Variants in HERC1 observed in about 807,000 individuals in gnomAD.
HERC1 encodes HECT and RLD domain containing E3 ubiquitin protein ligase family member 1, also known as probable E3 ubiquitin-protein ligase HERC1.
Under a neutral mutation model 554.3 loss-of-function variants are expected in HERC1, and 160 were observed. The observed-to-expected ratio is 0.29, with a 90% CI of 0.25 to 0.33. The LOEUF (loss-of-function observed/expected upper bound fraction) is 0.33, where lower values mean the gene tolerates loss of function less well. Among genes scored for constraint, HERC1 ranks in the 10% least tolerant of loss-of-function variants. The pLI, the probability that HERC1 is intolerant of heterozygous loss-of-function variation, is 1.00. For missense variants in HERC1, 4,919 were observed against 5,918.5 expected, an observed-to-expected ratio of 0.83 and a Z score of 5.54; for synonymous variants, 2,175 against 2,131.7, an observed-to-expected ratio of 1.02 and a Z score of -0.56.
intron 2 of HERC1, 52 bp from the exon 3 acceptor site, chr15:63,764,243 A>G: frequency 1.7e-6 from 2 of 1,198,764 alleles, no homozygotes; most frequent in Non-Finnish European, 1.2e-6. Flanking sequence ...AGACATATGC[A>G]TTAAAATTAG....
intron 3 of HERC1, among the ~76,000 whole-genome samples, chr15:63,761,925 T>C (rs2075624414): frequency 6.6e-6 from 1 of 152,238 alleles, no homozygotes; most frequent in Non-Finnish European, 1.5e-5. Flanking sequence ...TCATTAGGTA[T>C]CTTAGCTTTA....
At chr15:63,676,627 G>A (rs2071224357) in intron 37 of HERC1, among the ~76,000 whole-genome samples, 1 of 152,030 alleles carries the variant, frequency 6.6e-6, no homozygotes, top group Non-Finnish European at 1.5e-5. Context: ...ATGATGGTGG[G>A]TGCCTGTAAT....
At chr15:63,737,516 GATATATATATATATATATATAT>G (rs754808106) in intron 12 of HERC1, among the ~76,000 whole-genome samples, 472 of 46,442 alleles carry the variant, frequency 0.01, 67 homozygotes, top group African/African-American at 0.038. Context: ...CTTTTTTCCA[GATATATATATATATATATATAT>G]ATATATATAT....
chr15:63,758,127 A>G lies in HERC1; in HGVS notation c.1221+48T>C. 7.5e-7 allele frequency: 1 copy of G among 1,339,560 alleles called. No individual in the cohort carries two copies. The highest frequency in any genetic ancestry group is 1.1e-6 in the Non-Finnish European group (1 of 947,270). 83.0% of individuals were successfully genotyped at this position (1,339,560 alleles called of 1,614,324 possible). On this transcript the variant is annotated intron_variant, in intron 4 of 77. Transcript: ENST00000443617. This position sits in a 1 kb window ranked among gnomAD's most constrained non-coding sequence, Gnocchi z 4.0. ...TATTATTTAATGCAAATAAGCATGA[A>G]TATACACCAGATTATCTACCAGTTT...
chr15:63,655,750 T>C lies in HERC1; in HGVS notation c.10076A>G (p.Glu3359Gly). The change falls in exon 50 of 78, where the codon GAA (glutamate) becomes GGA (glycine). Residue 3359 changes from glutamate (E) to glycine (G), a missense_variant. Glu to Gly is a moderately conservative substitution (Grantham distance 98). Around this residue, in one of 11 missense-constraint regions of HERC1, gnomAD observed 1,963 missense variants for 2,228.6 expected, o/e 0.88. Coordinates refer to ENST00000443617, the MANE Select transcript of HERC1 (RefSeq NM_003922.4). ...AGTAGTATGAAACTTACCTTTCTTT[T>C]CAACTTCTGACTTATCATAGTTAGG... is the stretch of plus-strand genomic sequence containing the variant. ...LRPNYDKSEV[E>G]KKGPLELANA... 1 of 1,552,568 alleles carries C rather than the reference T, an allele frequency of 6.4e-7. No individual in the cohort carries two copies. The highest frequency in any genetic ancestry group is 8.7e-7 in the Non-Finnish European group (1 of 1,145,572).
At chr15:63,610,487 T>C (rs1034431890) in intron 77 of HERC1, among the ~76,000 whole-genome samples, 1 of 152,180 alleles carries the variant, frequency 6.6e-6, no homozygotes, top group Admixed American at 6.5e-5. Flanking sequence ...AGGACAGATA[T>C]AAGGCAAGGG....
chr15:63,623,663 G>C (rs935183963), intron 73 of HERC1, 62 bp downstream of exon 73: 1 of 1,509,376 alleles, frequency 6.6e-7, no homozygotes, highest in Non-Finnish European at 9.2e-7. Context: ...GTGATCACTG[G>C]AAACAGCAAA....
rs1203632253 is a variant in HERC1 at position 63,672,653 on chromosome 15, C to T, written c.7888G>A (p.Ala2630Thr). ...GGGCTAGTAGTAACTGGTGTCTGTGCCTGCTGGGCAGGGTCACTTTCTTCA... is the reference window on the plus strand; with the variant it reads ...GGGCTAGTAGTAACTGGTGTCTGTGTCTGCTGGGCAGGGTCACTTTCTTCA... ...QAEESDPAQQ[A>T]QTPVTTSPSA... Residue 2630 changes from alanine to threonine, a missense_variant, in exon 39 of 78, where the codon GCA (alanine) becomes ACA (threonine). Coordinates refer to ENST00000443617, the MANE Select transcript of HERC1 (RefSeq NM_003922.4). 1.2e-6 allele frequency: 2 copies of T among 1,612,170 alleles called. No homozygotes were observed. Among genetic ancestry groups the T allele is most frequent in the East Asian group, 2.2e-5 (1 of 44,864 alleles).
At position 63,663,279 on chromosome 15, in the gene HERC1, C is replaced by T. The variant is rs2070447691; in HGVS notation, c.8681-75G>A. 2.4e-6 allele frequency: 3 copies of T among 1,239,650 alleles called. No individual in the cohort carries two copies. In the South Asian group the frequency reaches 3.9e-5, roughly 16 times the overall value. 76.8% of individuals were successfully genotyped at this position (1,239,650 alleles called of 1,614,324 possible). On this transcript the variant is annotated intron_variant, in intron 43 of 77. Transcript: ENST00000443617. ...TGAATATTTCGCCAGTTCTTAACTG[C>T]CATACATGTAGGTGAGAACCTATCT...
intron 66 of HERC1, 87 bp downstream of exon 66, chr15:63,634,646 T>A: frequency 9.2e-7 from 1 of 1,084,562 alleles, no homozygotes; most frequent in Non-Finnish European, 1.3e-6. Flanking sequence ...CAACTGGTGA[T>A]CCTGATCTTC....
intron 1 of HERC1, among the ~76,000 whole-genome samples, chr15:63,781,136 C>T (rs143849175): frequency 0.013 from 2,013 of 152,096 alleles, 23 homozygotes; most frequent in East Asian, 0.023. Context: ...ATAAAACTGT[C>T]ACAAACAGTT....
intron 59 of HERC1, among the ~76,000 whole-genome samples, 194 bp from the exon 60 acceptor site, chr15:63,641,837 T>C (rs945356436): frequency 6.6e-6 from 1 of 152,152 alleles, no homozygotes; most frequent in African/African-American, 2.4e-5. Context: ...TAAAAAATAA[T>C]GAGAAATAAT....
chr15:63,625,850 T>C (rs2068280072), intron 71 of HERC1, 135 bp downstream of exon 71: 4 of 874,520 alleles, frequency 4.6e-6, no homozygotes, highest in South Asian at 2.9e-5. Context: ...AAAATGGGAA[T>C]AGAAGTGTTA....
chr15:63,775,789 AC>A lies in HERC1; in HGVS notation c.-26-141del. On this transcript the variant is annotated intron_variant, in intron 1 of 77. Transcript: ENST00000443617. The surrounding 1 kb of genome is among the most constrained non-coding windows in gnomAD (Gnocchi z 4.0). ...GCGGTGGCTCACGCCTGTAATCCCA[AC>A]ACTTTGGGAGGCCAAAGTGGGCAGA... is the stretch of plus-strand genomic sequence containing the variant. The A allele has an allele frequency of 1.6e-6, 1 of 618,972 alleles. No individual in the cohort carries two copies. The highest frequency in any genetic ancestry group is 2.7e-6 in the Non-Finnish European group (1 of 367,390). 38.3% of individuals were successfully genotyped at this position (618,972 alleles called of 1,614,324 possible).
At chr15:63,635,869 T>A in intron 65 of HERC1, 92 bp downstream of exon 65, 1 of 1,254,082 alleles carries the variant, frequency 8.0e-7, no homozygotes. Context: ...TAATATATTT[T>A]TACTATATTT....
At chr15:63,686,310 A>C in intron 34 of HERC1, 49 bp downstream of exon 34, 1 of 1,396,350 alleles carries the variant, frequency 7.2e-7, no homozygotes, top group Non-Finnish European at 9.7e-7. Context: ...ACCTGGAAAA[A>C]AAAGGACTAA....
intron 1 of HERC1, among the ~76,000 whole-genome samples, chr15:63,811,825 A>G (rs1473180871): frequency 1.3e-5 from 2 of 151,882 alleles, no homozygotes; most frequent in Non-Finnish European, 2.9e-5. Flanking sequence ...AAAAAAAAAA[A>G]AAACAGAAAG....
chr15:63,761,580 C>A, intron 3 of HERC1, among the ~76,000 whole-genome samples: 1 of 93,370 alleles, frequency 1.1e-5, no homozygotes, highest in Non-Finnish European at 2.3e-5. Context: ...CAGAGCAAGA[C>A]TGTCTCAAAA....
At chr15:63,780,571 A>C (rs902515367) in intron 1 of HERC1, 1 of 152,156 alleles carries the variant, frequency 6.6e-6, no homozygotes, top group African/African-American at 2.4e-5. Context: ...AATACAAAAA[A>C]ATTAGCTGGG....
Sources: gnomAD v4.1 joint callset for allele counts (sites outside exome capture counted in the v4.1 genomes callset) on GRCh38, gnomAD v4.1.1 for gene constraint, gnomAD v4.1.1 regional missense constraint, Gnocchi (gnomAD v3.1) non-coding constraint, MANE v1.5 for transcripts, NCBI Gene and HGNC (gene_info 2026-07-23, HGNC 2026-07-21) for gene names.